Variants in ARFGEF1 observed in about 807,000 individuals in gnomAD.
The protein encoded by ARFGEF1 is brefeldin A-inhibited guanine nucleotide-exchange protein 1.
ARFGEF1 carries 42 observed loss-of-function variants against 231.0 expected under a neutral mutation model. The ratio of observed to expected loss-of-function variants is 0.18; its 90% confidence interval spans 0.14 to 0.24. ARFGEF1 has a LOEUF of 0.24. Ranked by LOEUF, ARFGEF1 falls within the 10% of genes least tolerant of loss-of-function variation. The pLI is 1.00. For missense variants in ARFGEF1, 1,345 were observed against 2,192.0 expected, an observed-to-expected ratio of 0.61 and a Z score of 7.72; for synonymous variants, 710 against 732.3, an observed-to-expected ratio of 0.97 and a Z score of 0.49.
In ARFGEF1 at chr8:67,296,557, T is replaced by G. The variant is rs1806240123; in HGVS notation, c.513A>C (p.Val171=). Residue 171 remains valine (V), a synonymous_variant, in exon 5 of 39, where the codon GTA becomes GTC. Coordinates refer to ENST00000262215, the MANE Select transcript of ARFGEF1 (RefSeq NM_006421.5). The stretch of plus-strand genomic sequence containing the variant: ...TGTAACATGTTCTCACAGCTTGCAG[T>G]ACAGTCCCTTCATGAATTTCTATGT... ...SQHIEIHEGT[V]LQAVRTCYNI... 1 of 1,613,880 alleles carries G rather than the reference T, an allele frequency of 6.2e-7. No homozygotes were observed. The highest frequency in any genetic ancestry group is 2.2e-5 in the East Asian group (1 of 44,856).
chr8:67,343,377 A>C lies in ARFGEF1; in HGVS notation c.-90T>G, dbSNP rs997402398. On this transcript the variant is annotated 5_prime_UTR_variant, in exon 1 of 39. Coordinates refer to ENST00000262215, the MANE Select transcript of ARFGEF1 (RefSeq NM_006421.5). ...AGGAGAGGAAGGAAGAGAAGAGAGA[A>C]AGGAGAGGGGGTGGAGGTGGGGGAT... 2.2e-6 allele frequency: 3 copies of C among 1,342,108 alleles called. No individual in the cohort carries two copies. The highest frequency in any genetic ancestry group is 4.2e-4 in the Middle Eastern group (2 of 4,794). 83.1% of individuals were successfully genotyped at this position (1,342,108 alleles called of 1,614,324 possible). A position where few individuals can be genotyped will look rare whatever the true frequency, so the allele number is the denominator to read the frequency against.
intron 34 of ARFGEF1, 120 bp downstream of exon 34, chr8:67,211,363 A>AG: frequency 1.5e-6 from 1 of 674,470 alleles, no homozygotes; most frequent in African/African-American, 1.9e-5. Flanking sequence ...AAAAAAAAAA[A>AG]AAGAAGTGAT....
chr8:67,261,224 A>C lies in ARFGEF1; in HGVS notation c.2124-1298T>G, dbSNP rs539582853. On this transcript the variant is annotated intron_variant, in intron 14 of 38. Transcript: ENST00000262215. Reference sequence around the variant, plus strand: ...AACAGATTTTCCATGTAGATAAAACAGTCTTTCTTCTACTGGAAGAAGATG... The same window carrying C: ...AACAGATTTTCCATGTAGATAAAACCGTCTTTCTTCTACTGGAAGAAGATG... Among the ~76,000 whole-genome samples, 272 of 152,348 alleles carry C rather than the reference A, an allele frequency of 1.8e-3. 8 individuals carry two copies. In the South Asian group the frequency reaches 0.052, roughly 29 times the overall value.
At chr8:67,314,198 G>A (rs1241810611) in intron 1 of ARFGEF1, among the ~76,000 whole-genome samples, 2 of 152,206 alleles carry the variant, frequency 1.3e-5, no homozygotes, top group Non-Finnish European at 2.9e-5. Flanking sequence ...CCGCCTCCCA[G>A]CTGTGAAAGA....
intron 1 of ARFGEF1, among the ~76,000 whole-genome samples, chr8:67,319,739 A>T (rs1807491890): frequency 6.6e-6 from 1 of 152,222 alleles, no homozygotes; most frequent in African/African-American, 2.4e-5. Context: ...GTGAAAGACA[A>T]TGTTAAGAGA....
At chr8:67,342,583 T>C (rs1015401181) in intron 1 of ARFGEF1, among the ~76,000 whole-genome samples, 1 of 152,134 alleles carries the variant, frequency 6.6e-6, no homozygotes, top group Non-Finnish European at 1.5e-5. Flanking sequence ...CCCAGTCAGA[T>C]ACAATATTAC....
At position 67,279,573 on chromosome 8, in the gene ARFGEF1, C is replaced by T. The variant is rs149447078; in HGVS notation, c.1028-2116G>A. Among the ~76,000 whole-genome samples, 983 of 152,264 alleles carry T rather than the reference C, an allele frequency of 6.5e-3. 7 individuals carry two copies. Among genetic ancestry groups the T allele is most frequent in the African/African-American group, 0.023 (943 of 41,542 alleles). On this transcript the variant is annotated intron_variant, in intron 7 of 38. Transcript: ENST00000262215. ...TTTTATTAAATCTCTCAAATGAATACTCAATATTATTTGATATTACTTTCC... is the reference window on the plus strand; with the variant it reads ...TTTTATTAAATCTCTCAAATGAATATTCAATATTATTTGATATTACTTTCC...
chr8:67,316,464 ATTTTT>A (rs939191717), intron 1 of ARFGEF1, among the ~76,000 whole-genome samples: 1 of 146,350 alleles, frequency 6.8e-6, no homozygotes, highest in Non-Finnish European at 1.5e-5. Context: ...CTGTTGTATA[ATTTTT>A]TTTTTTTTCT....
At chr8:67,222,264 T>C (rs1441836135) in intron 29 of ARFGEF1, among the ~76,000 whole-genome samples, 2 of 142,558 alleles carry the variant, frequency 1.4e-5, no homozygotes, top group African/African-American at 2.6e-5. Context: ...TGTATGTATG[T>C]ATGTATTTTT....
In ARFGEF1 at chr8:67,343,397, G is replaced by A. The variant is rs1808753851; in HGVS notation, c.-110C>T. 1 of 1,448,296 alleles carries A rather than the reference G, an allele frequency of 6.9e-7. No individual in the cohort carries two copies. The highest frequency in any genetic ancestry group is 1.3e-5 in the South Asian group (1 of 74,322). The allele number at this position is 1,448,296 out of a possible 1,614,324, so 89.7% of individuals were successfully genotyped here. ...AGAGAAAGGAGAGGGGGTGGAGGTG[G>A]GGGATTGGAGGCGTGGAGGGCAGCG... On this transcript the variant is annotated 5_prime_UTR_variant, in exon 1 of 39. Coordinates refer to ENST00000262215, the MANE Select transcript of ARFGEF1 (RefSeq NM_006421.5).
At chr8:67,205,931 T>G (rs1471408816) in intron 34 of ARFGEF1, among the ~76,000 whole-genome samples, 2 of 151,726 alleles carry the variant, frequency 1.3e-5, no homozygotes, top group Non-Finnish European at 2.9e-5. Context: ...TGAAAACCTA[T>G]GACATAAGAA....
At chr8:67,220,681 C>A (rs540053967) in intron 29 of ARFGEF1, among the ~76,000 whole-genome samples, 1 of 152,302 alleles carries the variant, frequency 6.6e-6, no homozygotes, top group South Asian at 2.1e-4. Flanking sequence ...TGATGCTAAA[C>A]CCATAGTTCC....
chr8:67,263,570 C>CAAGTG (rs1435622413), intron 14 of ARFGEF1, among the ~76,000 whole-genome samples: 1 of 152,174 alleles, frequency 6.6e-6, no homozygotes, highest in Non-Finnish European at 1.5e-5. Context: ...CCATGCTGAA[C>CAAGTG]AAGTGCTCAG....
rs141684915 is a variant in ARFGEF1, at chr8:67,220,203, A to C, written c.4209-643T>G. 7.4e-4 allele frequency among the ~76,000 whole-genome samples: 113 copies of C among 152,372 alleles called. 1 individual carries two copies. The highest frequency in any genetic ancestry group is 2.5e-3 in the African/African-American group (106 of 41,584). On this transcript the variant is annotated intron_variant, in intron 29 of 38. Transcript: ENST00000262215. The stretch of plus-strand genomic sequence containing the variant: ...GGACTAGCTTTTGAGTAAGTGTTAA[A>C]ACTGAAACTCAAAACTTCCGTCTTC...
intron 23 of ARFGEF1, 66 bp from the exon 24 acceptor site, chr8:67,228,330 T>G: frequency 6.9e-7 from 1 of 1,453,316 alleles, no homozygotes; most frequent in Non-Finnish European, 9.5e-7. Context: ...TTGAAAAGTA[T>G]GTGGCATGGG....
At chr8:67,206,778 G>A (rs948730220) in intron 34 of ARFGEF1, among the ~76,000 whole-genome samples, 1 of 152,220 alleles carries the variant, frequency 6.6e-6, no homozygotes, top group African/African-American at 2.4e-5. Flanking sequence ...AGCTTTCCAG[G>A]AGGCAGACAA....
intron 22 of ARFGEF1, among the ~76,000 whole-genome samples, chr8:67,236,406 A>G (rs1262190025): frequency 9.3e-6 from 1 of 107,652 alleles, no homozygotes. Context: ...ATATATATAT[A>G]TATATGTATC....
intron 22 of ARFGEF1, among the ~76,000 whole-genome samples, chr8:67,237,200 AAAGTTGGGC>A (rs1001736670): frequency 3.9e-5 from 6 of 152,194 alleles, no homozygotes; most frequent in Non-Finnish European, 8.8e-5. Flanking sequence ...TCTAATGTAT[AAAGTTGGGC>A]TTCTAATCAT....
intron 7 of ARFGEF1, among the ~76,000 whole-genome samples, chr8:67,277,931 A>T (rs1016894104): frequency 1.3e-5 from 2 of 152,180 alleles, no homozygotes; most frequent in African/African-American, 4.8e-5. Context: ...AATTTATTGT[A>T]CCATAAGCCC....
Sources: allele counts gnomAD v4.1 joint callset (sites outside exome capture counted in the v4.1 genomes callset), GRCh38; gene constraint gnomAD v4.1.1; transcripts MANE v1.5; gene names NCBI Gene and HGNC (gene_info 2026-07-23, HGNC 2026-07-21).